The following EEPD1 variants were observed in gnomAD, a reference collection of about 807,000 sequenced individuals.
EEPD1 encodes endonuclease/exonuclease/phosphatase family domain containing 1, also known as endonuclease/exonuclease/phosphatase family domain-containing protein 1.
A neutral mutation model predicts 46.3 loss-of-function variants in EEPD1; 17 were observed. The observed-to-expected ratio is 0.37, with a 90% CI of 0.25 to 0.55. The LOEUF (loss-of-function observed/expected upper bound fraction) is 0.55, where lower values mean the gene tolerates loss of function less well. EEPD1 is among the 20% of genes least tolerant of loss of function. The pLI is 0.83. For synonymous variants in EEPD1, 313 were observed against 315.6 expected, an observed-to-expected ratio of 0.99 and a Z score of 0.09; for missense variants, 673 against 745.6, an observed-to-expected ratio of 0.90 and a Z score of 1.13.
chr7:36,231,518 G>A (rs1270622461), intron 2 of EEPD1, among the ~76,000 whole-genome samples: 7 of 152,098 alleles, frequency 4.6e-5, no homozygotes, highest in Non-Finnish European at 8.8e-5. Context: ...TCTTAGGCCC[G>A]GATCTACTGG....
intron 3 of EEPD1, among the ~76,000 whole-genome samples, chr7:36,240,578 G>A (rs1583828256): frequency 6.6e-6 from 1 of 152,188 alleles, no homozygotes; most frequent in Non-Finnish European, 1.5e-5. Context: ...ATTCAGCCAT[G>A]AAAACATAGT....
intron 2 of EEPD1, among the ~76,000 whole-genome samples, chr7:36,164,390 G>T (rs1010621562): frequency 6.6e-6 from 1 of 152,200 alleles, no homozygotes. Context: ...GTAAGCACAT[G>T]ATGCCCTACT....
In EEPD1 at chr7:36,203,374, T is replaced by C. The variant is rs561525737; in HGVS notation, c.879-35611T>C. ...GTGTTCATTTTCTTTCCTTTCCCCC[T>C]CCCTTTCTAACAGATAAGCAAGGGA... On this transcript the variant is annotated intron_variant, in intron 2 of 7. Coordinates refer to ENST00000242108, the MANE Select transcript of EEPD1 (RefSeq NM_030636.3). Among the ~76,000 whole-genome samples, 93 of 152,218 alleles carry C rather than the reference T, an allele frequency of 6.1e-4. 2 individuals are homozygous for C. Among genetic ancestry groups the C allele is most frequent in the African/African-American group, 2.0e-3 (83 of 41,522 alleles).
chr7:36,231,445 G>C (rs1786326624), intron 2 of EEPD1, among the ~76,000 whole-genome samples: 1 of 152,122 alleles, frequency 6.6e-6, no homozygotes. Context: ...GTTTTCATCT[G>C]CTTGGGGCTG....
intron 2 of EEPD1, among the ~76,000 whole-genome samples, chr7:36,205,430 T>C (rs953377280): frequency 3.9e-5 from 6 of 152,242 alleles, no homozygotes. Context: ...CCCTAAGTCA[T>C]TGCAACGTGA....
At chr7:36,157,905 C>A (rs2254765) in intron 2 of EEPD1, among the ~76,000 whole-genome samples, 98,548 of 151,958 alleles carry the variant, frequency 0.65, 32,222 homozygotes, top group Middle Eastern at 0.72. Context: ...AATCTCTCCC[C>A]TTCCAATTGT....
intron 7 of EEPD1, among the ~76,000 whole-genome samples, chr7:36,297,753 C>T (rs1787550007): frequency 6.6e-6 from 1 of 152,126 alleles, no homozygotes; most frequent in African/African-American, 2.4e-5. Flanking sequence ...GAGAAATGCT[C>T]AGTGCTCTGC....
At chr7:36,287,844 G>T in intron 6 of EEPD1, 67 bp downstream of exon 6, 1 of 1,578,144 alleles carries the variant, frequency 6.3e-7, no homozygotes, top group Non-Finnish European at 8.6e-7. Flanking sequence ...CCTCTTCTGA[G>T]CCATCTCTGA....
chr7:36,218,264 T>C (rs1786067746), intron 2 of EEPD1, among the ~76,000 whole-genome samples: 1 of 152,170 alleles, frequency 6.6e-6, no homozygotes, highest in Admixed American at 6.5e-5. Flanking sequence ...TGCCAAACCC[T>C]ATATACTGTT....
At chr7:36,161,546 C>T (rs1784901196) in intron 2 of EEPD1, among the ~76,000 whole-genome samples, 1 of 152,048 alleles carries the variant, frequency 6.6e-6, no homozygotes, top group South Asian at 2.1e-4. Flanking sequence ...TGCACACACA[C>T]GGCTGAGGAG....
chr7:36,298,179 G>T (rs906271900), intron 7 of EEPD1, among the ~76,000 whole-genome samples: 1 of 152,206 alleles, frequency 6.6e-6, no homozygotes. Flanking sequence ...GCAGAAATGC[G>T]CTATGGGCCA....
intron 2 of EEPD1, among the ~76,000 whole-genome samples, chr7:36,163,670 G>C (rs916211643): frequency 3.9e-5 from 6 of 152,108 alleles, no homozygotes; most frequent in Non-Finnish European, 8.8e-5. Context: ...ATGAGGTCAG[G>C]AGATCGAGAC....
intron 3 of EEPD1, among the ~76,000 whole-genome samples, chr7:36,248,994 A>AACACACACACACACACACACACAC (rs71553052): frequency 3.4e-4 from 46 of 135,416 alleles, no homozygotes; most frequent in South Asian, 5.1e-4. Flanking sequence ...TGGTTCATTA[A>AACACACACACACACACACACACAC]ACACACACAC....
intron 3 of EEPD1, among the ~76,000 whole-genome samples, chr7:36,241,816 C>T (rs543854218): frequency 2.0e-5 from 3 of 151,734 alleles, no homozygotes; most frequent in Non-Finnish European, 2.9e-5. Flanking sequence ...TGTGGTGAGC[C>T]GAGATTGCGC....
chr7:36,275,013 C>G (rs1787162813), intron 3 of EEPD1, among the ~76,000 whole-genome samples: 1 of 152,176 alleles, frequency 6.6e-6, no homozygotes, highest in South Asian at 2.1e-4. Context: ...CATCTTCATC[C>G]ACCAAAATAG....
intron 2 of EEPD1, among the ~76,000 whole-genome samples, chr7:36,232,592 T>C (rs1786354109): frequency 1.3e-5 from 2 of 150,632 alleles, no homozygotes; most frequent in African/African-American, 4.9e-5. Flanking sequence ...TTGGTATTGG[T>C]TTTAGAGCAG....
chr7:36,278,978 G>T (rs376244745), intron 3 of EEPD1, among the ~76,000 whole-genome samples: 15 of 152,336 alleles, frequency 9.8e-5, no homozygotes, highest in African/African-American at 1.4e-4. Context: ...ATTCCAGAGA[G>T]AATGCTTCCC....
chr7:36,298,352 T>C (rs1036900660), intron 7 of EEPD1, among the ~76,000 whole-genome samples: 1 of 152,206 alleles, frequency 6.6e-6, no homozygotes, highest in Non-Finnish European at 1.5e-5. Flanking sequence ...TTGCCCCCGC[T>C]ACAGAATGGT....
intron 6 of EEPD1, 50 bp downstream of exon 6, chr7:36,287,827 A>G (rs762157241): frequency 7.0e-5 from 111 of 1,596,940 alleles, no homozygotes; most frequent in Middle Eastern, 3.3e-4. Flanking sequence ...GCAGAGCAGC[A>G]GGGCTGCCTC....
Sources: gnomAD v4.1 joint callset for allele counts (sites outside exome capture counted in the v4.1 genomes callset) on GRCh38, gnomAD v4.1.1 for gene constraint, MANE v1.5 for transcripts, NCBI Gene and HGNC (gene_info 2026-07-23, HGNC 2026-07-21) for gene names.